The following GDAP2 variants were observed in gnomAD, a reference collection of about 807,000 sequenced individuals.
GDAP2 encodes ganglioside induced differentiation associated protein 2, also known as ganglioside-induced differentiation-associated protein 2.
Under a neutral mutation model 67.0 loss-of-function variants are expected in GDAP2, and 51 were observed. The observed-to-expected ratio is 0.76, with a 90% CI of 0.61 to 0.96. The LOEUF is 0.96. Among genes scored for constraint, GDAP2 ranks in the 40% least tolerant of loss-of-function variants. The probability of loss-of-function intolerance (pLI) is 0.00; values close to 1 mark genes in which losing one functional copy is unlikely to be tolerated. For synonymous variants in GDAP2, 203 were observed against 207.3 expected (o/e 0.98, Z 0.18); for missense variants, 547 against 588.3 (o/e 0.93, Z 0.73).
chr1:117,884,754 C>A lies in GDAP2; in HGVS notation c.1108-1127G>T, dbSNP rs951259514. ...TGAGGGTCACACTGATTATTAAGAA[C>A]ATAAATGATTACAAACAGAAACTTA... On this transcript the variant is annotated intron_variant, in intron 10 of 13. Coordinates refer to ENST00000369443, the MANE Select transcript of GDAP2 (RefSeq NM_017686.4). Among the ~76,000 whole-genome samples the A allele has an allele frequency of 3.3e-5, 5 of 151,818 alleles. No homozygotes were observed. The East Asian group carries it at 7.7e-4, about 23-fold the overall frequency.
In GDAP2 at chr1:117,878,120, GA is replaced by G. The variant is rs1218565228; in HGVS notation, c.1334del (p.Val445AlafsTer4). 35 of 1,601,934 alleles carry G rather than the reference GA, an allele frequency of 2.2e-5. No individual in the cohort carries two copies. Among genetic ancestry groups the G allele is most frequent in the Non-Finnish European group, 2.8e-5 (33 of 1,173,194 alleles). Reference sequence around the variant, plus strand: ...GGTGGATTTTGTCCTTCAGTCCTGAGACAGAAAAGGTGGTAAAAAACCATGT... The same window carrying G: ...GGTGGATTTTGTCCTTCAGTCCTGAGCAGAAAAGGTGGTAAAAAACCATGT... ...VSTWFFTTFS[V>X]SGLKDKIHHV... On this transcript the variant is annotated frameshift_variant, in exon 13 of 14. Coordinates refer to ENST00000369443, the MANE Select transcript of GDAP2 (RefSeq NM_017686.4). LOFTEE classifies it high-confidence loss of function.
rs1332178478 is a variant in GDAP2, at chr1:117,912,086, CAACAAAGGGAA to C, written c.471-15_471-5del. The C allele has an allele frequency of 3.8e-6, 6 of 1,585,454 alleles. No individual in the cohort carries two copies. In the South Asian group the frequency reaches 6.6e-5, roughly 18 times the overall value. The stretch of plus-strand genomic sequence containing the variant: ...AACAGAAGACATTGACTGCTCTCTG[CAACAAAGGGAA>C]AACACAAAAATTGCACTAGAAATAT... On this transcript the variant is annotated splice_polypyrimidine_tract_variant and splice_region_variant and intron_variant, in intron 4 of 13. Coordinates refer to ENST00000369443, the MANE Select transcript of GDAP2 (RefSeq NM_017686.4).
Position 117,920,431 on chromosome 1 carries a change from G to T in GDAP2, c.-67-7C>A. The T allele has an allele frequency of 2.2e-6, 2 of 925,164 alleles. No homozygotes were observed. Among genetic ancestry groups the T allele is most frequent in the South Asian group, 1.8e-5 (1 of 56,720 alleles). 57.3% of individuals were successfully genotyped at this position (925,164 alleles called of 1,614,324 possible). A position where few individuals can be genotyped will look rare whatever the true frequency, so the allele number is the denominator to read the frequency against. On this transcript the variant is annotated splice_polypyrimidine_tract_variant and splice_region_variant and intron_variant, in intron 1 of 13. Coordinates refer to ENST00000369443, the MANE Select transcript of GDAP2 (RefSeq NM_017686.4). The stretch of plus-strand genomic sequence containing the variant: ...TATTCACTGGAGACTTTAGCTTTAA[G>T]AGAAAAGAAAGAATCACTTTAATAG...
intron 10 of GDAP2, among the ~76,000 whole-genome samples, chr1:117,885,491 C>T (rs1422333696): frequency 6.6e-6 from 1 of 152,162 alleles, no homozygotes; most frequent in African/African-American, 2.4e-5. Flanking sequence ...CTAAACACTT[C>T]TCTACAGTAC....
At chr1:117,897,144 T>G (rs138863859) in intron 7 of GDAP2, among the ~76,000 whole-genome samples, 155 bp from the exon 8 acceptor site, 1 of 152,360 alleles carries the variant, frequency 6.6e-6, no homozygotes, top group East Asian at 1.9e-4. Context: ...TAGGCATTTG[T>G]AAAGCTGAAA....
At chr1:117,892,511 CT>C (rs1205267840) in intron 8 of GDAP2, among the ~76,000 whole-genome samples, 1 of 151,964 alleles carries the variant, frequency 6.6e-6, no homozygotes, top group Non-Finnish European at 1.5e-5. Context: ...CCTAAATATC[CT>C]ATATAGAGTA....
Position 117,869,264 on chromosome 1 carries a change from T to A in GDAP2, c.*1305A>T, listed in dbSNP as rs1318216868. On this transcript the variant is annotated 3_prime_UTR_variant, in exon 14 of 14. Transcript: ENST00000369443. ...TTTGACCTTAATTCAAGAAGAAATGTTTAAAATGGCCAACAGATGCCTCTT... is the reference window on the plus strand; with the variant it reads ...TTTGACCTTAATTCAAGAAGAAATGATTAAAATGGCCAACAGATGCCTCTT... 6.6e-6 allele frequency: 1 copy of A among 152,144 alleles called. No individual in the cohort carries two copies. Among genetic ancestry groups the A allele is most frequent in the Non-Finnish European group, 1.5e-5 (1 of 68,024 alleles). The allele number at this position is 152,144 out of a possible 1,614,324, so 9.4% of individuals were successfully genotyped here.
At chr1:117,898,747 TAGAC>T (rs1649345555) in intron 7 of GDAP2, among the ~76,000 whole-genome samples, 1 of 152,214 alleles carries the variant, frequency 6.6e-6, no homozygotes, top group African/African-American at 2.4e-5. Context: ...TTTAAAATGT[TAGAC>T]AATAACGTAC....
chr1:117,901,160 T>C (rs1304591907), intron 6 of GDAP2, among the ~76,000 whole-genome samples: 1 of 152,244 alleles, frequency 6.6e-6, no homozygotes, highest in Non-Finnish European at 1.5e-5. Context: ...TTCACCCATG[T>C]TGTAGCATGT....
chr1:117,925,035 T>C (rs1650395441), intron 1 of GDAP2, among the ~76,000 whole-genome samples: 2 of 152,140 alleles, frequency 1.3e-5, no homozygotes, highest in Admixed American at 6.5e-5. Flanking sequence ...TAAAAACAAA[T>C]CCATTAAACA....
At chr1:117,907,103 AT>A (rs955271776) in intron 5 of GDAP2, among the ~76,000 whole-genome samples, 8 of 151,992 alleles carry the variant, frequency 5.3e-5, no homozygotes, top group Admixed American at 5.2e-4. Flanking sequence ...AAGCTCAATT[AT>A]TTTTTTCTTA....
chr1:117,902,619 A>T (rs1391015813), intron 6 of GDAP2, among the ~76,000 whole-genome samples: 1 of 152,216 alleles, frequency 6.6e-6, no homozygotes, highest in Non-Finnish European at 1.5e-5. Flanking sequence ...CCACTGACCT[A>T]TACGTTTATC....
At chr1:117,904,101 C>A (rs925780741) in intron 6 of GDAP2, among the ~76,000 whole-genome samples, 4 of 151,646 alleles carry the variant, frequency 2.6e-5, no homozygotes, top group Non-Finnish European at 1.5e-5. Flanking sequence ...ATTCTCATAT[C>A]TCAGCCTCCC....
Position 117,899,147 on chromosome 1 carries a change from A to T in GDAP2, c.706T>A (p.Tyr236Asn). 6.2e-7 allele frequency: 1 copy of T among 1,609,988 alleles called. No individual in the cohort carries two copies. Among genetic ancestry groups the T allele is most frequent in the South Asian group, 1.1e-5 (1 of 91,000 alleles). Residue 236 changes from tyrosine to asparagine, a missense_variant, in exon 7 of 14, where the codon TAC becomes AAC. Coordinates refer to ENST00000369443, the MANE Select transcript of GDAP2 (RefSeq NM_017686.4). ...SLKEENRSLP[Y>N]LPADIGNAEG... ...GCATTTCCAATATCTGCAGGTAGGTAGGGCAATGATCGATTCTCCTCTTTT... is the reference window on the plus strand; with the variant it reads ...GCATTTCCAATATCTGCAGGTAGGTTGGGCAATGATCGATTCTCCTCTTTT...
Position 117,918,590 on chromosome 1 carries a change from C to T in GDAP2, c.316+7G>A. 6.3e-7 allele frequency: 1 copy of T among 1,596,488 alleles called. No homozygotes were observed. Among genetic ancestry groups the T allele is most frequent in the Non-Finnish European group, 8.6e-7 (1 of 1,164,398 alleles). On this transcript the variant is annotated splice_region_variant and intron_variant, in intron 3 of 13. Transcript: ENST00000369443. Reference sequence around the variant, plus strand: ...AAGCAATAATATATGAAAGAAAATTCACTCACCTTTAAGTTTCTGGAGATC... The same window carrying T: ...AAGCAATAATATATGAAAGAAAATTTACTCACCTTTAAGTTTCTGGAGATC...
chr1:117,925,241 C>A lies in GDAP2; in HGVS notation c.-68+4207G>T, dbSNP rs531921385. ...GCTGAGGCGGGGAGATCACTTGAGC[C>A]CAGGAGTTCAAGACCAGCTTGGGCA... is the stretch of plus-strand genomic sequence containing the variant. On this transcript the variant is annotated intron_variant, in intron 1 of 13. Transcript: ENST00000369443. Among the ~76,000 whole-genome samples, 4 of 152,142 alleles carry A rather than the reference C, an allele frequency of 2.6e-5. No homozygotes were observed. In the East Asian group the frequency reaches 7.8e-4, roughly 29 times the overall value.
Position 117,899,331 on chromosome 1 carries a change from T to TTAC in GDAP2, c.637-118_637-116dup, listed in dbSNP as rs1649369075. The TTAC allele has an allele frequency of 5.7e-6, 4 of 705,024 alleles. No homozygotes were observed. In the South Asian group the frequency reaches 7.0e-5, roughly 12 times the overall value. 43.7% of individuals were successfully genotyped at this position (705,024 alleles called of 1,614,324 possible). On this transcript the variant is annotated intron_variant, in intron 6 of 13. Coordinates refer to ENST00000369443, the MANE Select transcript of GDAP2 (RefSeq NM_017686.4). Reference sequence around the variant, plus strand: ...ACAACCTCCATCAAGAATAAAGACTTTACCACTTCTGAGCTCAGACTCGAT... The same window carrying TTAC: ...ACAACCTCCATCAAGAATAAAGACTTTACTACCACTTCTGAGCTCAGACTCGAT...
chr1:117,892,066 G>C lies in GDAP2; in HGVS notation c.954-4292C>G, dbSNP rs188701295. Among the ~76,000 whole-genome samples, 494 of 152,194 alleles carry C rather than the reference G, an allele frequency of 3.2e-3. 2 individuals are homozygous for C. The highest frequency in any genetic ancestry group is 0.023 in the East Asian group (120 of 5,180). On this transcript the variant is annotated intron_variant, in intron 8 of 13. Transcript: ENST00000369443. Reference sequence around the variant, plus strand: ...CTTAAAGGGTTCATGATTTTTAAAAGGTTAGAATCACTGCTGAGACACTGG... The same window carrying C: ...CTTAAAGGGTTCATGATTTTTAAAACGTTAGAATCACTGCTGAGACACTGG...
chr1:117,899,978 A>G (rs895095754), intron 6 of GDAP2, among the ~76,000 whole-genome samples: 8 of 152,184 alleles, frequency 5.3e-5, no homozygotes, highest in Non-Finnish European at 1.5e-5. Context: ...TTTCATTTTC[A>G]TATTGTGTTG....
Sources: gnomAD v4.1 joint callset for allele counts (sites outside exome capture counted in the v4.1 genomes callset) on GRCh38, gnomAD v4.1.1 for gene constraint, MANE v1.5 for transcripts, NCBI Gene and HGNC (gene_info 2026-07-23, HGNC 2026-07-21) for gene names.